Variants in EPB41L2 observed in about 807,000 individuals in gnomAD.
EPB41L2 encodes the protein erythrocyte membrane protein band 4.1 like 2.
A neutral mutation model predicts 113.0 loss-of-function variants in EPB41L2; 43 were observed. That is an observed-to-expected ratio of 0.38 (90% CI 0.30 to 0.49). EPB41L2 has a LOEUF of 0.49. Ranked by LOEUF, EPB41L2 falls within the 20% of genes least tolerant of loss-of-function variation. The probability of loss-of-function intolerance (pLI) is 0.95; values close to 1 mark genes in which losing one functional copy is unlikely to be tolerated. For missense variants in EPB41L2, 1,147 were observed against 1,223.4 expected (o/e 0.94, Z 0.93); for synonymous variants, 442 against 436.7 (o/e 1.01, Z -0.15).
chr6:130,862,582 G>A (rs1228919206), intron 18 of EPB41L2, among the ~76,000 whole-genome samples: 1 of 152,136 alleles, frequency 6.6e-6, no homozygotes, highest in Non-Finnish European at 1.5e-5. Context: ...ATGCTCTCTA[G>A]GAATCTCCAG....
chr6:131,003,658 TG>T (rs1179330388), intron 1 of EPB41L2, among the ~76,000 whole-genome samples: 1 of 152,162 alleles, frequency 6.6e-6, no homozygotes, highest in African/African-American at 2.4e-5. Flanking sequence ...CTGGAATTTC[TG>T]GAACTGTATG....
rs151214179 is a variant in EPB41L2 at position 130,850,055 on chromosome 6, T to C, written c.*5+8076A>G. Among the ~76,000 whole-genome samples the C allele has an allele frequency of 2.6e-4, 40 of 152,202 alleles. No individual in the cohort carries two copies. In the East Asian group the frequency reaches 7.2e-3, roughly 27 times the overall value. The stretch of plus-strand genomic sequence containing the variant: ...GAGTTCGAGACCAGCCTGGCCAACA[T>C]AGGGAAACCCCGTCTCTACTAAAAA... On this transcript the variant is annotated intron_variant, in intron 19 of 19. Transcript: ENST00000337057.
chr6:130,894,537 T>C (rs1793981735), intron 9 of EPB41L2, 96 bp from the exon 10 acceptor site: 15 of 1,092,510 alleles, frequency 1.4e-5, no homozygotes, highest in Middle Eastern at 2.1e-4. Flanking sequence ...TGAGAAGCAA[T>C]TATTCTTCTC....
At chr6:130,881,954 T>C (rs971988548) in intron 12 of EPB41L2, 3 of 152,162 alleles carry the variant, frequency 2.0e-5, no homozygotes, top group Non-Finnish European at 4.4e-5. Context: ...ATAAGGAGCT[T>C]TTGAGATTAG....
chr6:131,053,314 T>A (rs1396261733), intron 1 of EPB41L2, among the ~76,000 whole-genome samples: 1 of 151,208 alleles, frequency 6.6e-6, no homozygotes, highest in Non-Finnish European at 1.5e-5. Flanking sequence ...CCAAAACTAG[T>A]GAAAGTAGTT....
chr6:130,995,178 T>C lies in EPB41L2; in HGVS notation c.-14-38679A>G, dbSNP rs549097543. 2.0e-5 allele frequency among the ~76,000 whole-genome samples: 3 copies of C among 150,894 alleles called. No homozygotes were observed. In the East Asian group the frequency reaches 5.9e-4, roughly 30 times the overall value. Reference sequence around the variant, plus strand: ...GGTGGAACCCCATCTCTACCAAAAATACAAAAAATTAGCCAGGTGTGGTGA... The same window carrying C: ...GGTGGAACCCCATCTCTACCAAAAACACAAAAAATTAGCCAGGTGTGGTGA... On this transcript the variant is annotated intron_variant, in intron 1 of 19. Transcript: ENST00000337057.
chr6:131,050,775 A>G (rs371632722), intron 1 of EPB41L2, among the ~76,000 whole-genome samples: 2 of 152,204 alleles, frequency 1.3e-5, no homozygotes, highest in African/African-American at 4.8e-5. Flanking sequence ...TATTTATTTA[A>G]TAGAGATGGG....
chr6:131,027,091 C>T (rs901122608), intron 1 of EPB41L2, among the ~76,000 whole-genome samples: 1 of 152,048 alleles, frequency 6.6e-6, no homozygotes, highest in African/African-American at 2.4e-5. Flanking sequence ...ATACTTACTA[C>T]GTAAGAGATT....
intron 1 of EPB41L2, among the ~76,000 whole-genome samples, chr6:131,031,722 GA>G (rs1289130988): frequency 6.6e-6 from 1 of 152,110 alleles, no homozygotes; most frequent in Non-Finnish European, 1.5e-5. Context: ...ACTATAAAAT[GA>G]ATCTTTTGAC....
intron 1 of EPB41L2, among the ~76,000 whole-genome samples, chr6:130,979,548 G>A (rs1340962721): frequency 1.3e-5 from 2 of 150,724 alleles, no homozygotes; most frequent in Non-Finnish European, 2.9e-5. Flanking sequence ...AGGGATCCAG[G>A]AGACTAAGAT....
At chr6:130,863,566 C>A (rs540702712) in intron 18 of EPB41L2, 72 bp downstream of exon 18, 4 of 1,081,986 alleles carry the variant, frequency 3.7e-6, no homozygotes, top group Non-Finnish European at 4.2e-6. Flanking sequence ...CACAGGTATG[C>A]GACATGATGA....
At chr6:131,001,570 T>C (rs1386175755) in intron 1 of EPB41L2, among the ~76,000 whole-genome samples, 2 of 152,194 alleles carry the variant, frequency 1.3e-5, no homozygotes, top group Admixed American at 6.5e-5. Flanking sequence ...ACTTAAGCTG[T>C]CATCTCTACC....
intron 14 of EPB41L2, 71 bp downstream of exon 14, chr6:130,878,033 T>C (rs1238268522): frequency 4.8e-6 from 7 of 1,448,386 alleles, no homozygotes; most frequent in Admixed American, 5.1e-5. Flanking sequence ...AGACTCAACA[T>C]AGAGATTAAC....
In EPB41L2 at chr6:130,858,119, G is replaced by A; in HGVS notation, c.*5+12C>T. On this transcript the variant is annotated intron_variant, in intron 19 of 19. Transcript: ENST00000337057. ...TCACTAGAAAGGCCACAGACAATGA[G>A]GGCTCTCTTACCTTACTTAATCTTC... 6.3e-7 allele frequency: 1 copy of A among 1,598,240 alleles called. No individual in the cohort carries two copies. Among genetic ancestry groups the A allele is most frequent in the South Asian group, 1.1e-5 (1 of 90,634 alleles).
chr6:130,955,291 T>C lies in EPB41L2; in HGVS notation c.519A>G (p.Arg173=), dbSNP rs762168677. 53 of 1,612,918 alleles carry C rather than the reference T, an allele frequency of 3.3e-5. No homozygotes were observed. The East Asian group carries it at 9.6e-4, about 29-fold the overall frequency. The change falls in exon 3 of 20, where the codon AGA becomes AGG. Residue 173 remains arginine (R), a synonymous_variant. Transcript: ENST00000337057. ...CCTGTGTTTCTTTTACCTTCTCTTC[T>C]CTCTCCTTACTTACTAATTCAGTAG... is the stretch of plus-strand genomic sequence containing the variant. ...MQPTELVSKE[R]EEKVKETQED...
intron 7 of EPB41L2, 125 bp downstream of exon 7, chr6:130,900,837 A>G: frequency 9.5e-7 from 1 of 1,049,666 alleles, no homozygotes; most frequent in Non-Finnish European, 1.4e-6. Context: ...GATTAGTGCT[A>G]GGTGAAACTC....
At chr6:130,896,923 G>C (rs1331224867) in intron 8 of EPB41L2, among the ~76,000 whole-genome samples, 2 of 152,092 alleles carry the variant, frequency 1.3e-5, no homozygotes, top group Non-Finnish European at 2.9e-5. Flanking sequence ...GGAGGTCAGG[G>C]TGTTTAATAT....
At chr6:131,058,098 G>C (rs6942081) in intron 1 of EPB41L2, among the ~76,000 whole-genome samples, 121,674 of 152,172 alleles carry the variant, frequency 0.8, 49,036 homozygotes, top group African/African-American at 0.88. Context: ...CTCTAATAAG[G>C]TAGAGTGAAA....
chr6:131,020,756 C>T (rs1312176773), intron 1 of EPB41L2, among the ~76,000 whole-genome samples: 2 of 152,174 alleles, frequency 1.3e-5, no homozygotes, highest in Non-Finnish European at 2.9e-5. Context: ...CTCTTCAGCT[C>T]TTCAGCACTC....
Sources: gnomAD v4.1 joint callset for allele counts (sites outside exome capture counted in the v4.1 genomes callset) on GRCh38, gnomAD v4.1.1 for gene constraint, MANE v1.5 for transcripts, NCBI Gene and HGNC (gene_info 2026-07-23, HGNC 2026-07-21) for gene names.